Variants in CAMTA1 observed in about 807,000 individuals in gnomAD.
CAMTA1 encodes the protein calmodulin-binding transcription activator 1.
CAMTA1 carries 27 observed loss-of-function variants against 170.9 expected under a neutral mutation model. That is an observed-to-expected ratio of 0.16 (90% CI 0.12 to 0.22). The LOEUF (loss-of-function observed/expected upper bound fraction) is 0.22. Among genes scored for constraint, CAMTA1 ranks in the 10% least tolerant of loss-of-function variants. The probability of loss-of-function intolerance (pLI) is 1.00; values close to 1 mark genes in which losing one functional copy is unlikely to be tolerated. For missense variants in CAMTA1, 1,619 were observed against 2,217.2 expected, an observed-to-expected ratio of 0.73 and a Z score of 5.42; for synonymous variants, 833 against 891.5, an observed-to-expected ratio of 0.93 and a Z score of 1.17.
At chr1:7,559,849 G>A (rs888978891) in intron 6 of CAMTA1, among the ~76,000 whole-genome samples, 1 of 152,154 alleles carries the variant, frequency 6.6e-6, no homozygotes, top group African/African-American at 2.4e-5. Context: ...GCCAGGGGAG[G>A]GGGGCCTCAG....
intron 5 of CAMTA1, among the ~76,000 whole-genome samples, chr1:7,344,913 ATT>A (rs34661041): frequency 6.6e-6 from 1 of 151,240 alleles, no homozygotes; most frequent in South Asian, 2.1e-4. Context: ...TGCCCGCCTA[ATT>A]TTTTTTGTAT....
At chr1:7,416,218 G>A (rs1331468448) in intron 5 of CAMTA1, among the ~76,000 whole-genome samples, 6 of 152,114 alleles carry the variant, frequency 3.9e-5, no homozygotes, top group African/African-American at 1.4e-4. Context: ...CAACTTTGGT[G>A]AATCTGACAA....
intron 3 of CAMTA1, among the ~76,000 whole-genome samples, chr1:6,839,677 T>C (rs1456619968): frequency 2.6e-5 from 4 of 152,182 alleles, no homozygotes; most frequent in African/African-American, 7.2e-5. Context: ...TAGGAAGTTA[T>C]ATTTGAGCTG....
At chr1:7,379,751 G>T (rs1169127573) in intron 5 of CAMTA1, among the ~76,000 whole-genome samples, 1 of 152,196 alleles carries the variant, frequency 6.6e-6, no homozygotes, top group East Asian at 1.9e-4. Context: ...CACTGTCTTT[G>T]TTTCTGACAC....
At chr1:7,318,585 G>A (rs910276568) in intron 5 of CAMTA1, among the ~76,000 whole-genome samples, 3 of 152,190 alleles carry the variant, frequency 2.0e-5, no homozygotes, top group Non-Finnish European at 2.9e-5. Flanking sequence ...TGTATGAAAG[G>A]GGTTTTCTTA....
chr1:7,535,562 G>A (rs921396162), intron 6 of CAMTA1, among the ~76,000 whole-genome samples: 2 of 152,298 alleles, frequency 1.3e-5, no homozygotes, highest in African/African-American at 2.4e-5. Flanking sequence ...TTCTGTACCC[G>A]GGAAACCTCA....
chr1:6,914,081 G>A (rs1680256365), intron 3 of CAMTA1, among the ~76,000 whole-genome samples: 1 of 148,026 alleles, frequency 6.8e-6, no homozygotes, highest in Non-Finnish European at 1.5e-5. Context: ...AATGTAGGTT[G>A]CAAAAAGGCA....
At chr1:7,666,860 C>A (rs897137683) in intron 9 of CAMTA1, among the ~76,000 whole-genome samples, 10 of 151,826 alleles carry the variant, frequency 6.6e-5, no homozygotes, top group Non-Finnish European at 1.5e-4. Context: ...TGTTTCTGAC[C>A]CCCCTGCTGT....
At chr1:7,573,733 T>A (rs1271007703) in intron 6 of CAMTA1, among the ~76,000 whole-genome samples, 2 of 152,156 alleles carry the variant, frequency 1.3e-5, no homozygotes, top group African/African-American at 2.4e-5. Context: ...CTAGGACCAC[T>A]CTACCGCAGC....
chr1:7,740,535 T>A (rs1386481702), intron 16 of CAMTA1, among the ~76,000 whole-genome samples: 1 of 152,234 alleles, frequency 6.6e-6, no homozygotes, highest in Non-Finnish European at 1.5e-5. Context: ...GGGAACCAAC[T>A]GAGCATCGAG....
intron 6 of CAMTA1, among the ~76,000 whole-genome samples, chr1:7,479,913 A>C (rs1318947624): frequency 8.1e-6 from 1 of 123,810 alleles, no homozygotes; most frequent in African/African-American, 3.5e-5. Context: ...GTGTGTGTGC[A>C]TGTGTGTGAA....
At chr1:7,321,193 G>A (rs966618305) in intron 5 of CAMTA1, among the ~76,000 whole-genome samples, 1 of 152,178 alleles carries the variant, frequency 6.6e-6, no homozygotes, top group Admixed American at 6.5e-5. Context: ...GAATTTTTAT[G>A]GAAGTGACTG....
At chr1:7,031,443 ATTC>A (rs755311388) in intron 3 of CAMTA1, among the ~76,000 whole-genome samples, 2 of 152,040 alleles carry the variant, frequency 1.3e-5, no homozygotes, top group Non-Finnish European at 2.9e-5. Context: ...ATCTTCTTCC[ATTC>A]TTTTAGTTTT....
chr1:7,294,944 G>C (rs1199418516), intron 5 of CAMTA1, among the ~76,000 whole-genome samples: 1 of 152,170 alleles, frequency 6.6e-6, no homozygotes, highest in Admixed American at 6.5e-5. Flanking sequence ...ACTTGGTCTG[G>C]TCTCCAAGAT....
At chr1:7,442,486 A>G (rs2092570798) in intron 5 of CAMTA1, among the ~76,000 whole-genome samples, 2 of 152,328 alleles carry the variant, frequency 1.3e-5, no homozygotes, top group African/African-American at 2.4e-5. Flanking sequence ...TCGCATACCA[A>G]TGGCCCGGTT....
In CAMTA1 at chr1:7,768,210, A is replaced by C. The variant is rs1385371212; in HGVS notation, c.*1719A>C. On this transcript the variant is annotated 3_prime_UTR_variant, in exon 23 of 23. Coordinates refer to ENST00000303635, the MANE Select transcript of CAMTA1 (RefSeq NM_015215.4). Reference sequence around the variant, plus strand: ...CTGCTGGAAATCAGAAAATATAATAAAATTGCACAAAAAAAAAAATGAAAA... The same window carrying C: ...CTGCTGGAAATCAGAAAATATAATACAATTGCACAAAAAAAAAAATGAAAA... The C allele has an allele frequency of 1.5e-5, 1 of 68,224 alleles. No homozygotes were observed. Among genetic ancestry groups the C allele is most frequent in the African/African-American group, 5.0e-5 (1 of 19,970 alleles). 4.2% of individuals were successfully genotyped at this position (68,224 alleles called of 1,614,324 possible). A position where few individuals can be genotyped will look rare whatever the true frequency, so the allele number is the denominator to read the frequency against.
intron 6 of CAMTA1, among the ~76,000 whole-genome samples, chr1:7,559,014 GAGGGACAA>G (rs946135112): frequency 6.6e-6 from 1 of 152,222 alleles, no homozygotes; most frequent in African/African-American, 2.4e-5. Flanking sequence ...TTTGGGAGAG[GAGGGACAA>G]AGGGCCAGGT....
intron 6 of CAMTA1, among the ~76,000 whole-genome samples, chr1:7,603,222 A>G (rs2095460832): frequency 1.3e-5 from 2 of 152,214 alleles, no homozygotes; most frequent in South Asian, 4.1e-4. Flanking sequence ...AGCTGAGTTC[A>G]GTTCCTGGAT....
chr1:6,917,241 A>C (rs763024242), intron 3 of CAMTA1, among the ~76,000 whole-genome samples: 5 of 151,438 alleles, frequency 3.3e-5, no homozygotes, highest in Non-Finnish European at 7.4e-5. Context: ...CAGTGTGGGG[A>C]ATGAGGGTGT....
Sources: gnomAD v4.1 joint callset for allele counts (sites outside exome capture counted in the v4.1 genomes callset) on GRCh38, gnomAD v4.1.1 for gene constraint, MANE v1.5 for transcripts, NCBI Gene and HGNC (gene_info 2026-07-23, HGNC 2026-07-21) for gene names.